The following SP140 variants were observed in gnomAD, a reference collection of about 807,000 sequenced individuals.
SP140 encodes the protein SP140 nuclear body protein, also known as nuclear body protein SP140.
In SP140, 81 loss-of-function variants were observed where a neutral mutation model predicts 125.0. The ratio of observed to expected loss-of-function variants is 0.65; its 90% CI spans 0.54 to 0.78. The LOEUF is 0.78. Ranked by LOEUF, SP140 falls within the 30% of genes least tolerant of loss-of-function variation. The probability of loss-of-function intolerance (pLI) is 0.00; values close to 1 mark genes in which losing one functional copy is unlikely to be tolerated. For synonymous variants in SP140, 312 were observed against 354.0 expected (o/e 0.88, Z 1.33); for missense variants, 858 against 1,037.0 (o/e 0.83, Z 2.37).
chr2:230,263,806 C>T (rs2052647298), intron 12 of SP140, among the ~76,000 whole-genome samples: 1 of 152,190 alleles, frequency 6.6e-6, no homozygotes, highest in South Asian at 2.1e-4. Flanking sequence ...GCCCCAGTCC[C>T]TCCTGTCTTA....
At chr2:230,302,036 A>T (rs2149552740) in intron 22 of SP140, among the ~76,000 whole-genome samples, 1 of 152,324 alleles carries the variant, frequency 6.6e-6, no homozygotes, top group South Asian at 2.1e-4. Context: ...AAAGACAAAG[A>T]GCGACCTTAT....
intron 15 of SP140, among the ~76,000 whole-genome samples, chr2:230,271,503 T>A (rs2053921778): frequency 6.6e-6 from 1 of 152,122 alleles, no homozygotes; most frequent in African/African-American, 2.4e-5. Flanking sequence ...GTTAACTGTG[T>A]TACTGGTGAG....
chr2:230,265,162 G>T lies in SP140; in HGVS notation c.1241-4370G>T, dbSNP rs76338193. On this transcript the variant is annotated intron_variant, in intron 12 of 26. Transcript: ENST00000392045. Reference sequence around the variant, plus strand: ...GCTGCAGCTGCTGTGGGGGATGGGGGTGAGATTCCCATGTCACTGGAGTTG... The same window carrying T: ...GCTGCAGCTGCTGTGGGGGATGGGGTTGAGATTCCCATGTCACTGGAGTTG... 8.5e-5 allele frequency among the ~76,000 whole-genome samples: 13 copies of T among 152,174 alleles called. No individual in the cohort carries two copies. In the East Asian group the frequency reaches 2.5e-3, roughly 29 times the overall value.
intron 23 of SP140, 69 bp downstream of exon 23, chr2:230,310,108 A>G (rs2059198010): frequency 5.5e-6 from 8 of 1,458,654 alleles, no homozygotes; most frequent in Non-Finnish European, 7.7e-6. Flanking sequence ...CGCACTCTCC[A>G]GCAGAGTGCC....
intron 3 of SP140, chr2:230,239,118 G>T: frequency 9.7e-6 from 11 of 1,133,378 alleles, no homozygotes; most frequent in Non-Finnish European, 1.1e-5. Flanking sequence ...GTGTTGATTT[G>T]TGAATACTAT....
chr2:230,310,197 C>T (rs558984994), intron 23 of SP140, 158 bp downstream of exon 23: 137 of 659,806 alleles, frequency 2.1e-4, no homozygotes, highest in East Asian at 1.4e-4. Context: ...CAGTGGGAGA[C>T]GCTGGCAGCA....
rs772851133 is a variant in SP140 at position 230,290,498 on chromosome 2, G to C, written c.1759G>C (p.Ala587Pro). 2 of 1,613,798 alleles carry C rather than the reference G, an allele frequency of 1.2e-6. No homozygotes were observed. The highest frequency in any genetic ancestry group is 1.7e-5 in the Admixed American group (1 of 59,942). The change falls in exon 19 of 27, where the codon GCT (alanine) becomes CCT (proline). Residue 587 changes from alanine (A) to proline (P), a missense_variant. Ala to Pro is a conservative substitution (Grantham distance 27). Coordinates refer to ENST00000392045, the MANE Select transcript of SP140 (RefSeq NM_007237.5). ...KHKDETVDFK[A>P]PLLPVTCGGV... ...CAAAGATGAAACTGTGGATTTTAAG[G>C]CTCCTTTGCTTCCAGTGACCTGTGG...
At chr2:230,251,188 AT>A in intron 10 of SP140, 127 bp downstream of exon 10, 1 of 748,422 alleles carries the variant, frequency 1.3e-6, no homozygotes. Context: ...TAAATCTGAG[AT>A]TTTTCACATT....
At chr2:230,291,926 G>T (rs1005794878) in intron 19 of SP140, among the ~76,000 whole-genome samples, 2 of 152,170 alleles carry the variant, frequency 1.3e-5, no homozygotes, top group African/African-American at 4.8e-5. Flanking sequence ...GTTATCGTCT[G>T]TCTGTCTTTT....
chr2:230,300,218 A>G (rs1443422237), intron 22 of SP140, among the ~76,000 whole-genome samples: 1 of 152,192 alleles, frequency 6.6e-6, no homozygotes, highest in African/African-American at 2.4e-5. Flanking sequence ...ACAGACACTC[A>G]TACGAGAACC....
upstream of SP140, among the ~76,000 whole-genome samples, chr2:230,222,150 AACTCAGGAG>A (rs2045876835): frequency 6.6e-6 from 1 of 152,036 alleles, no homozygotes; most frequent in Non-Finnish European, 1.5e-5. Flanking sequence ...GAATCGCTTG[AACTCAGGAG>A]CTGGAGGTTG....
At chr2:230,198,142 C>T (rs2042965303), upstream of SP140, among the ~76,000 whole-genome samples, 1 of 152,224 alleles carries the variant, frequency 6.6e-6, no homozygotes, top group Non-Finnish European at 1.5e-5. Flanking sequence ...TCTGTAGGGC[C>T]CTCCAGGGCT....
At position 230,237,170 on chromosome 2, in the gene SP140, C is replaced by T. The variant is rs1559224961; in HGVS notation, c.147C>T (p.Asn49=). ...CCATTTTCAGGTTCTTCAGAGAAAA[C>T]AAGGTGGAGATTGCAAGTGCAATAA... ...PEPIFRFFRE[N]KVEIASAITR... is the part of the protein sequence containing the mutation. Residue 49 remains asparagine (N), a synonymous_variant, in exon 2 of 27, where the codon AAC becomes AAT. Transcript: ENST00000392045. This position sits in a 1 kb window ranked among gnomAD's most constrained non-coding sequence, Gnocchi z 5.4. The T allele has an allele frequency of 6.2e-7, 1 of 1,613,460 alleles. No individual in the cohort carries two copies. Among genetic ancestry groups the T allele is most frequent in the Non-Finnish European group, 8.5e-7 (1 of 1,179,680 alleles).
intron 18 of SP140, chr2:230,288,172 A>C (rs573944020): frequency 2.8e-4 from 134 of 475,736 alleles, no homozygotes; most frequent in African/African-American, 2.4e-3. Context: ...ACCAGATCCC[A>C]GGGGCCCAGG....
At chr2:230,262,251 G>A (rs1224301674) in intron 12 of SP140, among the ~76,000 whole-genome samples, 1 of 152,064 alleles carries the variant, frequency 6.6e-6, no homozygotes, top group Non-Finnish European at 1.5e-5. Context: ...GGTATTCATA[G>A]TAACCTTGAA....
chr2:230,188,525 T>C, the SP140 span, among the ~76,000 whole-genome samples: 1 of 152,208 alleles, frequency 6.6e-6, no homozygotes, highest in Non-Finnish European at 1.5e-5. Context: ...AGTACTATGT[T>C]GAATAGAAGT....
At chr2:230,234,242 C>T (rs939033589) in intron 1 of SP140, among the ~76,000 whole-genome samples, 8 of 152,218 alleles carry the variant, frequency 5.3e-5, no homozygotes, top group Admixed American at 2.6e-4. Context: ...TGGACTCTGT[C>T]TCTGGCTGAG....
intron 4 of SP140, among the ~76,000 whole-genome samples, chr2:230,242,010 G>T (rs761533537): frequency 6.6e-6 from 1 of 152,032 alleles, no homozygotes; most frequent in East Asian, 1.9e-4. Flanking sequence ...ATAGAATTGC[G>T]CAGGGAGACA....
chr2:230,315,217 C>A (rs532048817), downstream of SP140, among the ~76,000 whole-genome samples: 171 of 152,296 alleles, frequency 1.1e-3, no homozygotes, highest in African/African-American at 3.9e-3. Context: ...TCAATGGAAT[C>A]CAGAACCCAT....
Sources: gnomAD v4.1 joint callset for allele counts (sites outside exome capture counted in the v4.1 genomes callset) on GRCh38, gnomAD v4.1.1 for gene constraint, Gnocchi (gnomAD v3.1) non-coding constraint, MANE v1.5 for transcripts, NCBI Gene and HGNC (gene_info 2026-07-23, HGNC 2026-07-21) for gene names.